The following PCDH15 variants were observed in gnomAD, a reference collection of about 807,000 sequenced individuals.
PCDH15 encodes protocadherin related 15, also known as protocadherin-15.
In PCDH15, 129 loss-of-function variants were observed where a neutral mutation model predicts 178.5. That is an observed-to-expected ratio of 0.72 (90% CI 0.63 to 0.84). The LOEUF is 0.84. Ranked by LOEUF, PCDH15 falls within the 40% of genes least tolerant of loss-of-function variation. The probability of loss-of-function intolerance (pLI) is 0.00; values close to 1 mark genes in which losing one functional copy is unlikely to be tolerated. For synonymous variants in PCDH15, 800 were observed against 732.0 expected, an observed-to-expected ratio of 1.09 and a Z score of -1.50; for missense variants, 2,230 against 2,099.9, an observed-to-expected ratio of 1.06 and a Z score of -1.21.
intron 3 of PCDH15, among the ~76,000 whole-genome samples, chr10:54,445,622 G>A (rs1173801643): frequency 1.3e-5 from 2 of 151,440 alleles, no homozygotes; most frequent in African/African-American, 2.4e-5. Flanking sequence ...TATAAACACA[G>A]TTTCTAATAA....
chr10:55,287,366 G>A (rs895827717), intron 1 of PCDH15, among the ~76,000 whole-genome samples: 2 of 151,930 alleles, frequency 1.3e-5, no homozygotes, highest in South Asian at 4.1e-4. Context: ...TTTAATTAAT[G>A]AATAAATCAT....
intron 1 of PCDH15, among the ~76,000 whole-genome samples, chr10:54,673,685 T>G (rs565045744): frequency 2.1e-4 from 32 of 152,182 alleles, no homozygotes; most frequent in African/African-American, 7.7e-4. Flanking sequence ...TGATCTGCCC[T>G]CCTTGGCCTC....
chr10:54,959,217 G>C (rs1838578245), intron 2 of PCDH15, among the ~76,000 whole-genome samples: 1 of 151,752 alleles, frequency 6.6e-6, no homozygotes, highest in African/African-American at 2.4e-5. Context: ...GCCATTAGAG[G>C]TTAGTATTAT....
At chr10:54,969,088 T>G (rs1451806135) in intron 2 of PCDH15, among the ~76,000 whole-genome samples, 2 of 152,114 alleles carry the variant, frequency 1.3e-5, no homozygotes, top group African/African-American at 4.8e-5. Flanking sequence ...TATTATTTTT[T>G]TTTTTACTAC....
At chr10:54,182,500 A>AGG (rs2048081214) in intron 13 of PCDH15, among the ~76,000 whole-genome samples, 1 of 133,286 alleles carries the variant, frequency 7.5e-6, no homozygotes, top group African/African-American at 3.2e-5. Context: ...GAAAAGAGAG[A>AGG]AAAAAAGTGT....
intron 1 of PCDH15, among the ~76,000 whole-genome samples, chr10:55,280,094 A>C (rs1189057425): frequency 6.6e-6 from 1 of 152,076 alleles, no homozygotes; most frequent in Non-Finnish European, 1.5e-5. Context: ...AAAGACAAGC[A>C]GGTGAACAAA....
At chr10:54,780,256 T>A (rs535021905) in intron 1 of PCDH15, among the ~76,000 whole-genome samples, 19 of 152,290 alleles carry the variant, frequency 1.2e-4, no homozygotes, top group Admixed American at 5.2e-4. Context: ...AAGAGAAATG[T>A]GAGTCAATCA....
chr10:55,332,099 A>G (rs927043813), intron 2 of PCDH15, among the ~76,000 whole-genome samples: 12 of 152,156 alleles, frequency 7.9e-5, no homozygotes, highest in Admixed American at 2.6e-4. Flanking sequence ...GTAAATGTCA[A>G]TTATTTGTGA....
At chr10:54,573,412 A>G (rs1416192224) in intron 2 of PCDH15, among the ~76,000 whole-genome samples, 1 of 152,178 alleles carries the variant, frequency 6.6e-6, no homozygotes, top group Admixed American at 6.6e-5. Flanking sequence ...TAGGAGGAAA[A>G]TAAGATTAGG....
intron 26 of PCDH15, among the ~76,000 whole-genome samples, chr10:53,873,025 C>T (rs916031383): frequency 1.3e-5 from 2 of 152,162 alleles, no homozygotes; most frequent in Non-Finnish European, 2.9e-5. Flanking sequence ...TCCTTTTCAC[C>T]TCTCCTCTAC....
chr10:54,255,926 T>C (rs2056861910), intron 8 of PCDH15, among the ~76,000 whole-genome samples: 1 of 152,128 alleles, frequency 6.6e-6, no homozygotes, highest in Non-Finnish European at 1.5e-5. Flanking sequence ...TTCATAGATG[T>C]TAAAACAAAG....
chr10:55,026,142 T>C (rs1840469852), intron 2 of PCDH15, among the ~76,000 whole-genome samples: 1 of 151,964 alleles, frequency 6.6e-6, no homozygotes, highest in South Asian at 2.1e-4. Flanking sequence ...CATTTCAATA[T>C]TTTCCACAAA....
intron 3 of PCDH15, among the ~76,000 whole-genome samples, chr10:54,855,892 G>C (rs1953732962): frequency 6.6e-6 from 1 of 152,070 alleles, no homozygotes; most frequent in Non-Finnish European, 1.5e-5. Flanking sequence ...GTATACTCTG[G>C]ATATGCTTGG....
intron 1 of PCDH15, among the ~76,000 whole-genome samples, chr10:54,719,462 C>G (rs2095519043): frequency 1.3e-5 from 2 of 151,856 alleles, no homozygotes; most frequent in Admixed American, 1.3e-4. Flanking sequence ...CAGCAAAACT[C>G]CCATGGGATT....
At position 54,717,824 on chromosome 10, in the gene PCDH15, C is replaced by T. The variant is rs867616183; in HGVS notation, c.-28-53534G>A. Among the ~76,000 whole-genome samples, 64 of 143,208 alleles carry T rather than the reference C, an allele frequency of 4.5e-4. 8 individuals are homozygous for T. Among genetic ancestry groups the T allele is most frequent in the African/African-American group, 1.3e-3 (50 of 37,578 alleles). The allele number at this position is 143,208 out of a possible 152,430, so 94.0% of individuals were successfully genotyped here. ...GACACATGCACACGTATGTTTACTG[C>T]GGCACTATTCATAATAGCGAAGACT... is the stretch of plus-strand genomic sequence containing the variant. On this transcript the variant is annotated intron_variant, in intron 1 of 37. Transcript: ENST00000644397.
intron 3 of PCDH15, among the ~76,000 whole-genome samples, chr10:54,434,141 A>G (rs900648998): frequency 8.5e-5 from 13 of 152,246 alleles, no homozygotes; most frequent in Non-Finnish European, 4.4e-5. Flanking sequence ...ATTTTTGTGC[A>G]GGTGTACAAT....
At chr10:54,010,728 G>A (rs2092552900) in intron 20 of PCDH15, among the ~76,000 whole-genome samples, 1 of 152,090 alleles carries the variant, frequency 6.6e-6, no homozygotes, top group Non-Finnish European at 1.5e-5. Flanking sequence ...CACTATGCAG[G>A]AACTCCAGCA....
At position 54,673,353 on chromosome 10, in the gene PCDH15, C is replaced by T. The variant is rs1281254652; in HGVS notation, c.-28-9063G>A. On this transcript the variant is annotated intron_variant, in intron 1 of 37. Transcript: ENST00000644397. ...GTTTTTCTGTTCTTGTGTTAGTTTGCTGAAAATGATGGTTTCCAGCTTCAT... is the reference window on the plus strand; with the variant it reads ...GTTTTTCTGTTCTTGTGTTAGTTTGTTGAAAATGATGGTTTCCAGCTTCAT... Among the ~76,000 whole-genome samples, 28 of 151,946 alleles carry T rather than the reference C, an allele frequency of 1.8e-4. 1 individual carries two copies. Among genetic ancestry groups the T allele is most frequent in the Admixed American group, 1.8e-3 (28 of 15,244 alleles).
At position 53,831,547 on chromosome 10, in the gene PCDH15, T is replaced by A; in HGVS notation, c.3984-14A>T. On this transcript the variant is annotated splice_polypyrimidine_tract_variant and intron_variant, in intron 29 of 37. Transcript: ENST00000644397. The stretch of plus-strand genomic sequence containing the variant: ...CCATCCAAAAATCTTTATTGTTAGA[T>A]AAATAGTAAAATTAATGATGCTAGC... 6.4e-7 allele frequency: 1 copy of A among 1,554,650 alleles called. No homozygotes were observed. The highest frequency in any genetic ancestry group is 8.9e-7 in the Non-Finnish European group (1 of 1,126,450).
Sources: gnomAD v4.1 joint callset for allele counts (sites outside exome capture counted in the v4.1 genomes callset) on GRCh38, gnomAD v4.1.1 for gene constraint, MANE v1.5 for transcripts, NCBI Gene and HGNC (gene_info 2026-07-23, HGNC 2026-07-21) for gene names.